UCHL5: variants seen among roughly 807,000 people sequenced by gnomAD.
The protein encoded by UCHL5 is ubiquitin carboxyl-terminal hydrolase isozyme L5.
Under a neutral mutation model 53.8 loss-of-function variants are expected in UCHL5, and 34 were observed. The ratio of observed to expected loss-of-function variants is 0.63; its 90% CI spans 0.48 to 0.84. UCHL5 has a LOEUF of 0.84. Among genes scored for constraint, UCHL5 ranks in the 40% least tolerant of loss-of-function variants. The pLI, the probability that UCHL5 is intolerant of heterozygous loss-of-function variation, is 0.00. For missense variants in UCHL5, 290 were observed against 385.6 expected (o/e 0.75, Z 2.08); for synonymous variants, 111 against 126.3 (o/e 0.88, Z 0.81).
chr1:193,027,304 T>C (rs906417369), intron 7 of UCHL5, among the ~76,000 whole-genome samples: 11 of 152,144 alleles, frequency 7.2e-5, no homozygotes, highest in African/African-American at 2.2e-4. Flanking sequence ...AAATTGAATA[T>C]ACAATTACCC....
chr1:193,056,536 C>T (rs900976790), intron 1 of UCHL5, among the ~76,000 whole-genome samples: 2 of 152,190 alleles, frequency 1.3e-5, no homozygotes, highest in Non-Finnish European at 2.9e-5. Context: ...AACAGACCAT[C>T]ACGGTTTGTT....
chr1:193,056,492 C>T (rs1328451212), intron 1 of UCHL5, among the ~76,000 whole-genome samples: 1 of 152,166 alleles, frequency 6.6e-6, no homozygotes, highest in Non-Finnish European at 1.5e-5. Context: ...TCTATCTTGG[C>T]TGTAACCAAA....
intron 3 of UCHL5, among the ~76,000 whole-genome samples, chr1:193,033,474 T>C (rs1237589274): frequency 6.6e-6 from 1 of 152,110 alleles, no homozygotes; most frequent in Non-Finnish European, 1.5e-5. Flanking sequence ...CGTGTATACC[T>C]ATGTAACAAA....
At chr1:193,056,217 A>G (rs1670581973) in intron 1 of UCHL5, among the ~76,000 whole-genome samples, 1 of 151,854 alleles carries the variant, frequency 6.6e-6, no homozygotes, top group Admixed American at 6.6e-5. Flanking sequence ...TAGTGATGTC[A>G]CCTCTCTCAT....
intron 3 of UCHL5, among the ~76,000 whole-genome samples, chr1:193,048,758 T>G (rs1027135460): frequency 6.6e-6 from 1 of 152,222 alleles, no homozygotes; most frequent in African/African-American, 2.4e-5. Flanking sequence ...TTTAAAAGAT[T>G]TGCAAAAATG....
At chr1:193,033,330 G>C (rs992146941) in intron 3 of UCHL5, among the ~76,000 whole-genome samples, 1 of 152,040 alleles carries the variant, frequency 6.6e-6, no homozygotes, top group Admixed American at 6.6e-5. Flanking sequence ...TCAACAATGA[G>C]AACGCATGGG....
intron 3 of UCHL5, among the ~76,000 whole-genome samples, chr1:193,048,384 A>G (rs1297915629): frequency 6.6e-6 from 1 of 152,230 alleles, no homozygotes; most frequent in African/African-American, 2.4e-5. Context: ...CTTCTCAACA[A>G]TATCATATCT....
intron 10 of UCHL5, chr1:193,020,544 A>G: frequency 7.8e-7 from 1 of 1,289,654 alleles, no homozygotes; most frequent in Non-Finnish European, 1.0e-6. Context: ...GAACTTAAAA[A>G]CAATTTAACT....
chr1:193,050,855 C>T (rs1268924118), intron 2 of UCHL5, among the ~76,000 whole-genome samples: 1 of 152,110 alleles, frequency 6.6e-6, no homozygotes, highest in Non-Finnish European at 1.5e-5. Flanking sequence ...CTCCTGGGCT[C>T]AAGCGATCTT....
At position 193,059,355 on chromosome 1, in the gene UCHL5, G is replaced by A; in HGVS notation, c.-95C>T. On this transcript the variant is annotated 5_prime_UTR_variant, in exon 1 of 11. Transcript: ENST00000367454. This position sits in a 1 kb window ranked among gnomAD's most constrained non-coding sequence, Gnocchi z 4.9. The stretch of plus-strand genomic sequence containing the variant: ...CACAGATCTCAGCAAACCCGCCGCC[G>A]AGCTCGTCAACCACACGTCACCCCG... 5 of 1,605,954 alleles carry A rather than the reference G, an allele frequency of 3.1e-6. No individual in the cohort carries two copies. In the South Asian group the frequency reaches 3.3e-5, roughly 11 times the overall value.
intron 10 of UCHL5, chr1:193,020,250 G>C (rs1464264860): frequency 6.6e-7 from 1 of 1,505,800 alleles, no homozygotes; most frequent in Admixed American, 2.1e-5. Flanking sequence ...GAAACAGCTT[G>C]GTTGAAATCA....
At chr1:193,039,061 C>A (rs989909362) in intron 3 of UCHL5, among the ~76,000 whole-genome samples, 3 of 152,072 alleles carry the variant, frequency 2.0e-5, no homozygotes, top group Non-Finnish European at 2.9e-5. Context: ...AACAGTGAAT[C>A]TGAAAAAGAA....
At chr1:193,051,645 G>A (rs1056356984) in intron 2 of UCHL5, 109 bp downstream of exon 2, 9 of 541,532 alleles carry the variant, frequency 1.7e-5, no homozygotes, top group South Asian at 7.1e-5. Context: ...AGGACATAAC[G>A]TATTCAACCT....
chr1:193,058,654 G>A (rs957716503), intron 1 of UCHL5, among the ~76,000 whole-genome samples: 1 of 152,254 alleles, frequency 6.6e-6, no homozygotes, highest in Non-Finnish European at 1.5e-5. Context: ...CAGTCAGCGT[G>A]TGTGGACGTC....
At chr1:193,029,495 A>T (rs762014354) in intron 4 of UCHL5, 37 bp downstream of exon 4, 1 of 1,613,052 alleles carries the variant, frequency 6.2e-7, no homozygotes, top group Non-Finnish European at 8.5e-7. Flanking sequence ...AAACTTTCAC[A>T]AATATGACAT....
intron 2 of UCHL5, among the ~76,000 whole-genome samples, chr1:193,050,128 T>A (rs1668555306): frequency 6.6e-6 from 1 of 152,104 alleles, no homozygotes; most frequent in Non-Finnish European, 1.5e-5. Context: ...TTACCTCACT[T>A]AAAAAATAAG....
At chr1:193,018,975 T>G (rs1412847556) in intron 10 of UCHL5, among the ~76,000 whole-genome samples, 3 of 151,672 alleles carry the variant, frequency 2.0e-5, no homozygotes, top group African/African-American at 7.2e-5. Flanking sequence ...TAACAGTTTT[T>G]CAACACGCTT....
At chr1:193,059,753 C>T (rs1302926894), upstream of UCHL5, 9 of 1,355,870 alleles carry the variant, frequency 6.6e-6, no homozygotes, top group Admixed American at 2.0e-5. This position sits in a 1 kb window ranked among gnomAD's most constrained non-coding sequence, Gnocchi z 4.9. Flanking sequence ...GCTGCGGATC[C>T]AGGGGGTCGG....
intron 2 of UCHL5, 132 bp from the exon 3 acceptor site, chr1:193,049,983 A>C (rs1668505593): frequency 1.4e-6 from 1 of 714,412 alleles, no homozygotes; most frequent in African/African-American, 1.8e-5. Flanking sequence ...TTTTTAAAAG[A>C]TCACTATTGC....
Sources: allele counts gnomAD v4.1 joint callset (sites outside exome capture counted in the v4.1 genomes callset), GRCh38; gene constraint gnomAD v4.1.1; non-coding constraint Gnocchi (gnomAD v3.1); transcripts MANE v1.5; gene names NCBI Gene and HGNC (gene_info 2026-07-23, HGNC 2026-07-21).